Variants in EIF4G3 observed in about 807,000 individuals in gnomAD.
The protein encoded by EIF4G3 is eukaryotic translation initiation factor 4 gamma 3.
In EIF4G3, 34 loss-of-function variants were observed where a neutral mutation model predicts 186.4. That is an observed-to-expected ratio of 0.18 (90% confidence interval 0.14 to 0.24). EIF4G3 has a LOEUF of 0.24. Ranked by LOEUF, EIF4G3 falls within the 10% of genes least tolerant of loss-of-function variation. The pLI is 1.00. For missense variants in EIF4G3, 1,536 were observed against 1,948.5 expected, an observed-to-expected ratio of 0.79 and a Z score of 3.99; for synonymous variants, 673 against 679.5, an observed-to-expected ratio of 0.99 and a Z score of 0.15.
chr1:20,850,191 G>A (rs1321290294), intron 28 of EIF4G3, among the ~76,000 whole-genome samples: 3 of 152,160 alleles, frequency 2.0e-5, no homozygotes, highest in African/African-American at 7.2e-5. Context: ...ACTGAAGGCC[G>A]AGAACAGGGA....
intron 14 of EIF4G3, among the ~76,000 whole-genome samples, chr1:20,909,931 G>A (rs576642973): frequency 2.6e-5 from 4 of 151,918 alleles, no homozygotes; most frequent in Non-Finnish European, 5.9e-5. Context: ...ACAGGTACCC[G>A]CAACCATGCC....
intron 2 of EIF4G3, among the ~76,000 whole-genome samples, chr1:21,135,130 GAT>G (rs1386385027): frequency 1.2e-4 from 19 of 152,126 alleles, no homozygotes; most frequent in Non-Finnish European, 1.5e-5. Context: ...TGTAACAGAA[GAT>G]ATTTAAAACC....
At chr1:21,021,660 A>G (rs1345095015) in intron 4 of EIF4G3, among the ~76,000 whole-genome samples, 2 of 152,050 alleles carry the variant, frequency 1.3e-5, no homozygotes, top group South Asian at 4.1e-4. Flanking sequence ...GGTTCAAGCG[A>G]TTCTCCTACC....
chr1:20,888,788 A>T (rs2085042680), intron 18 of EIF4G3, among the ~76,000 whole-genome samples: 1 of 152,226 alleles, frequency 6.6e-6, no homozygotes, highest in African/African-American at 2.4e-5. Flanking sequence ...CTGATACATA[A>T]ATTTAAACAT....
chr1:20,857,284 T>C, intron 25 of EIF4G3, 119 bp downstream of exon 25: 2 of 826,224 alleles, frequency 2.4e-6, no homozygotes, highest in South Asian at 3.3e-5. Flanking sequence ...GCTGTTTTAC[T>C]TTAATAAGTA....
intron 2 of EIF4G3, among the ~76,000 whole-genome samples, chr1:21,095,740 C>A (rs753213666): frequency 1.3e-5 from 2 of 151,954 alleles, no homozygotes; most frequent in African/African-American, 2.4e-5. Context: ...TGATTTCCTG[C>A]TAGTCATTTT....
At chr1:20,904,745 T>A (rs1320085170) in intron 15 of EIF4G3, 138 bp downstream of exon 15, 1 of 483,902 alleles carries the variant, frequency 2.1e-6, no homozygotes, top group Non-Finnish European at 3.6e-6. Flanking sequence ...TAATATAAAA[T>A]GGACTTAAAA....
At chr1:20,830,537 A>T (rs574680030) in intron 30 of EIF4G3, among the ~76,000 whole-genome samples, 9 of 152,290 alleles carry the variant, frequency 5.9e-5, no homozygotes, top group African/African-American at 2.2e-4. Flanking sequence ...GGACTCCAGG[A>T]TTTCTAGGTT....
intron 28 of EIF4G3, among the ~76,000 whole-genome samples, chr1:20,850,758 G>A (rs143097609): frequency 9.3e-4 from 142 of 152,282 alleles, no homozygotes; most frequent in African/African-American, 3.3e-3. Context: ...TTAAATACAT[G>A]AAGCAATTTT....
chr1:21,007,636 TAGA>T (rs2085649955), intron 4 of EIF4G3, among the ~76,000 whole-genome samples: 1 of 151,204 alleles, frequency 6.6e-6, no homozygotes, highest in Admixed American at 6.6e-5. Context: ...GAATAATCTT[TAGA>T]ATGAATCAAG....
intron 6 of EIF4G3, among the ~76,000 whole-genome samples, chr1:21,000,315 T>C (rs2083217576): frequency 6.6e-6 from 1 of 152,064 alleles, no homozygotes; most frequent in South Asian, 2.1e-4. Flanking sequence ...CAGAGGCCAC[T>C]TGAAGCCAGT....
intron 30 of EIF4G3, among the ~76,000 whole-genome samples, chr1:20,839,402 C>T (rs946566523): frequency 6.6e-6 from 1 of 152,172 alleles, no homozygotes; most frequent in Non-Finnish European, 1.5e-5. Flanking sequence ...TGAGTCACCA[C>T]GCCTGGCAAG....
rs77111026 is a variant in EIF4G3, at chr1:21,090,448, G to T, written c.-271-1235C>A. ...ATTACATGACATGTATTACTGATAT[G>T]AATGTTTCCTACTTATGCAGAAAAG... is the stretch of plus-strand genomic sequence containing the variant. On this transcript the variant is annotated intron_variant, in intron 2 of 36. Coordinates refer to ENST00000602326, the MANE Select transcript of EIF4G3 (RefSeq NM_001391906.1). Among the ~76,000 whole-genome samples the T allele has an allele frequency of 3.6e-3, 555 of 152,246 alleles. 5 individuals are homozygous for T. The highest frequency in any genetic ancestry group is 0.013 in the African/African-American group (523 of 41,548).
intron 4 of EIF4G3, among the ~76,000 whole-genome samples, chr1:21,038,291 G>A (rs1171615489): frequency 6.6e-6 from 1 of 152,166 alleles, no homozygotes; most frequent in Admixed American, 6.5e-5. Flanking sequence ...CCCCAAGACT[G>A]TGGGCTAAAA....
chr1:21,064,330 A>G (rs2095115650), intron 3 of EIF4G3, among the ~76,000 whole-genome samples: 1 of 152,178 alleles, frequency 6.6e-6, no homozygotes, highest in African/African-American at 2.4e-5. Context: ...GTGGACAGGA[A>G]TAGGATTTAA....
intron 4 of EIF4G3, among the ~76,000 whole-genome samples, chr1:21,003,144 G>A (rs1401016290): frequency 3.4e-5 from 5 of 149,100 alleles, no homozygotes; most frequent in African/African-American, 4.9e-5. Flanking sequence ...CTACCGGCAC[G>A]CAGCACTGTG....
At chr1:21,006,551 T>C (rs905327293) in intron 4 of EIF4G3, among the ~76,000 whole-genome samples, 2 of 152,232 alleles carry the variant, frequency 1.3e-5, no homozygotes, top group African/African-American at 4.8e-5. Context: ...ATAAACCTTT[T>C]TGAATGCTTT....
At chr1:21,008,241 A>C (rs1202284859) in intron 4 of EIF4G3, among the ~76,000 whole-genome samples, 1 of 152,264 alleles carries the variant, frequency 6.6e-6, no homozygotes, top group African/African-American at 2.4e-5. Flanking sequence ...TTAAATCAAC[A>C]GCATTAGCAG....
At chr1:20,890,196 C>T (rs2085559991) in intron 18 of EIF4G3, among the ~76,000 whole-genome samples, 1 of 151,934 alleles carries the variant, frequency 6.6e-6, no homozygotes, top group Admixed American at 6.6e-5. Context: ...TGGTCTCGAA[C>T]TCCTGGCCTC....
Sources: allele counts gnomAD v4.1 joint callset (sites outside exome capture counted in the v4.1 genomes callset), GRCh38; gene constraint gnomAD v4.1.1; transcripts MANE v1.5; gene names NCBI Gene and HGNC (gene_info 2026-07-23, HGNC 2026-07-21).